The following ARFGEF1 variants were observed in gnomAD, a reference collection of about 807,000 sequenced individuals.
ARFGEF1 encodes brefeldin A-inhibited guanine nucleotide-exchange protein 1.
Under a neutral mutation model 231.0 loss-of-function variants are expected in ARFGEF1, and 42 were observed. The observed-to-expected ratio is 0.18, with a 90% CI of 0.14 to 0.24. The LOEUF is 0.24. Among genes scored for constraint, ARFGEF1 ranks in the 10% least tolerant of loss-of-function variants. ARFGEF1 has a pLI of 1.00. For missense variants in ARFGEF1, 1,345 were observed against 2,192.0 expected, an observed-to-expected ratio of 0.61 and a Z score of 7.72; for synonymous variants, 710 against 732.3, an observed-to-expected ratio of 0.97 and a Z score of 0.49.
chr8:67,249,975 C>G (rs1840226243), intron 19 of ARFGEF1, among the ~76,000 whole-genome samples: 1 of 152,164 alleles, frequency 6.6e-6, no homozygotes, highest in Non-Finnish European at 1.5e-5. Flanking sequence ...AAAGAACATT[C>G]TAGACAAAGG....
chr8:67,337,312 C>T (rs1320542512), intron 1 of ARFGEF1, among the ~76,000 whole-genome samples: 2 of 152,050 alleles, frequency 1.3e-5, no homozygotes, highest in Non-Finnish European at 2.9e-5. Context: ...CTTTTTCTAT[C>T]CTAGTGTCCC....
At chr8:67,240,567 T>C (rs992695177) in intron 19 of ARFGEF1, among the ~76,000 whole-genome samples, 1 of 152,156 alleles carries the variant, frequency 6.6e-6, no homozygotes, top group Non-Finnish European at 1.5e-5. Flanking sequence ...ATAATCAATA[T>C]TCATAAAAAT....
At chr8:67,263,307 G>A (rs887956374) in intron 14 of ARFGEF1, among the ~76,000 whole-genome samples, 1 of 151,946 alleles carries the variant, frequency 6.6e-6, no homozygotes, top group Non-Finnish European at 1.5e-5. Context: ...TATTGCAAGA[G>A]TTCTTAAATG....
intron 6 of ARFGEF1, among the ~76,000 whole-genome samples, chr8:67,289,428 C>T (rs1805903166): frequency 6.6e-6 from 1 of 151,694 alleles, no homozygotes; most frequent in African/African-American, 2.4e-5. Flanking sequence ...GTGACACCTG[C>T]CTATAGTCTT....
Position 67,225,016 on chromosome 8 carries a change from T to C in ARFGEF1, c.4095A>G (p.Thr1365=), listed in dbSNP as rs1839323320. Residue 1365 remains threonine (T), a synonymous_variant, in exon 29 of 39, where the codon ACA becomes ACG. Transcript: ENST00000262215. ...CAGGTGCTACGTTCATATCATCGCTTGTGTATTCCTTGAAAGCCTTCAAGA... is the reference window on the plus strand; with the variant it reads ...CAGGTGCTACGTTCATATCATCGCTCGTGTATTCCTTGAAAGCCTTCAAGA... ...SDRPQAFKEY[T]SDDMNVAPED... 4 of 1,597,412 alleles carry C rather than the reference T, an allele frequency of 2.5e-6. No individual in the cohort carries two copies. The highest frequency in any genetic ancestry group is 2.6e-6 in the Non-Finnish European group (3 of 1,172,986).
rs1563902346 is a variant in ARFGEF1, at chr8:67,302,905, T to TAAAAAAA, written c.125-440_125-439insTTTTTTT. Among the ~76,000 whole-genome samples the TAAAAAAA allele has an allele frequency of 9.3e-4, 93 of 100,236 alleles. 1 individual carries two copies. The highest frequency in any genetic ancestry group is 3.5e-3 in the African/African-American group (90 of 25,870). The allele number at this position is 100,236 out of a possible 152,430, so 65.8% of individuals were successfully genotyped here. ...GCCTGGGCAACAAAGACCCCATCTC[T>TAAAAAAA]TAAAAAAAAAAAAAAAAAAAAAAAA... On this transcript the variant is annotated intron_variant, in intron 1 of 38. Coordinates refer to ENST00000262215, the MANE Select transcript of ARFGEF1 (RefSeq NM_006421.5).
intron 36 of ARFGEF1, 105 bp from the exon 37 acceptor site, chr8:67,201,710 C>A: frequency 6.8e-7 from 1 of 1,463,580 alleles, no homozygotes; most frequent in Non-Finnish European, 9.3e-7. Context: ...CCATCAGCAT[C>A]TGCTGCTTAC....
Position 67,198,716 on chromosome 8 carries a change from A to C in ARFGEF1, c.*218T>G, listed in dbSNP as rs1472706584. On this transcript the variant is annotated 3_prime_UTR_variant, in exon 39 of 39. Coordinates refer to ENST00000262215, the MANE Select transcript of ARFGEF1 (RefSeq NM_006421.5). ...GAGCATGAGCTGACACTGTTTAAAC[A>C]GGCTTTCTGCTCAACATGAGGCCAA... The C allele has an allele frequency of 3.8e-6, 5 of 1,308,750 alleles. No homozygotes were observed. Among genetic ancestry groups the C allele is most frequent in the Non-Finnish European group, 4.9e-6 (5 of 1,029,700 alleles). 81.1% of individuals were successfully genotyped at this position (1,308,750 alleles called of 1,614,324 possible).
intron 14 of ARFGEF1, among the ~76,000 whole-genome samples, chr8:67,263,880 G>A (rs1354152328): frequency 6.6e-6 from 1 of 152,136 alleles, no homozygotes; most frequent in Non-Finnish European, 1.5e-5. Flanking sequence ...CCTGGGAAAG[G>A]TGACTCTGGA....
At chr8:67,270,025 A>G (rs962226159) in intron 10 of ARFGEF1, among the ~76,000 whole-genome samples, 7 of 152,192 alleles carry the variant, frequency 4.6e-5, no homozygotes, top group Non-Finnish European at 8.8e-5. Flanking sequence ...AGTATTACAA[A>G]ATTTTCTAAT....
At chr8:67,201,803 T>TA (rs1226028127) in intron 36 of ARFGEF1, 198 bp from the exon 37 acceptor site, 7 of 627,674 alleles carry the variant, frequency 1.1e-5, no homozygotes, top group Non-Finnish European at 1.5e-5. Context: ...ATATGAGATA[T>TA]AAAAAAACTT....
rs1838201586 is a variant in ARFGEF1, at chr8:67,198,719, C to CT, written c.*214dup. On this transcript the variant is annotated 3_prime_UTR_variant, in exon 39 of 39. Coordinates refer to ENST00000262215, the MANE Select transcript of ARFGEF1 (RefSeq NM_006421.5). Reference sequence around the variant, plus strand: ...CATGAGCTGACACTGTTTAAACAGGCTTTCTGCTCAACATGAGGCCAATAT... The same window carrying CT: ...CATGAGCTGACACTGTTTAAACAGGCTTTTCTGCTCAACATGAGGCCAATAT... The CT allele has an allele frequency of 1.5e-6, 2 of 1,315,640 alleles. No individual in the cohort carries two copies. The highest frequency in any genetic ancestry group is 3.9e-5 in the Admixed American group (1 of 25,842). The allele number at this position is 1,315,640 out of a possible 1,614,324, so 81.5% of individuals were successfully genotyped here.
At chr8:67,267,956 A>C (rs1020808643) in intron 10 of ARFGEF1, among the ~76,000 whole-genome samples, 3 of 152,192 alleles carry the variant, frequency 2.0e-5, no homozygotes, top group Non-Finnish European at 2.9e-5. Flanking sequence ...GAAAATCTCT[A>C]CTGTTTGAAA....
At position 67,198,209 on chromosome 8, in the gene ARFGEF1, C is replaced by T; in HGVS notation, c.*725G>A. 1 of 985,688 alleles carries T rather than the reference C, an allele frequency of 1.0e-6. No homozygotes were observed. The highest frequency in any genetic ancestry group is 1.2e-6 in the Non-Finnish European group (1 of 829,910). 61.1% of individuals were successfully genotyped at this position (985,688 alleles called of 1,614,324 possible). ...CAACAGCTTCTGGGCATGTTACAGC[C>T]TCAAAATCACCACCTACCAAAAAGG... On this transcript the variant is annotated 3_prime_UTR_variant, in exon 39 of 39. Coordinates refer to ENST00000262215, the MANE Select transcript of ARFGEF1 (RefSeq NM_006421.5).
At chr8:67,228,358 G>A in intron 23 of ARFGEF1, 94 bp from the exon 24 acceptor site, 1 of 1,220,028 alleles carries the variant, frequency 8.2e-7, no homozygotes, top group East Asian at 2.4e-5. Context: ...CTATTTTTAT[G>A]TTTTAAGGGA....
At chr8:67,239,483 G>A (rs1042220493) in intron 20 of ARFGEF1, among the ~76,000 whole-genome samples, 7 of 151,822 alleles carry the variant, frequency 4.6e-5, no homozygotes, top group African/African-American at 1.5e-4. Context: ...AAAATCCAAA[G>A]GCAGTGGTGG....
In ARFGEF1 at chr8:67,216,576, T is replaced by G; in HGVS notation, c.4686+14A>C. ...AATAACTAATTTCAATATACTTTAC[T>G]GATTAAAACTTACCAATGGCTTTTC... On this transcript the variant is annotated intron_variant, in intron 33 of 38. Coordinates refer to ENST00000262215, the MANE Select transcript of ARFGEF1 (RefSeq NM_006421.5). The G allele has an allele frequency of 6.3e-7, 1 of 1,590,272 alleles. No individual in the cohort carries two copies. Among genetic ancestry groups the G allele is most frequent in the Non-Finnish European group, 8.5e-7 (1 of 1,171,718 alleles).
At chr8:67,201,730 C>A (rs185385030) in intron 36 of ARFGEF1, 125 bp from the exon 37 acceptor site, 61 of 1,244,792 alleles carry the variant, frequency 4.9e-5, no homozygotes, top group Non-Finnish European at 6.0e-5. Context: ...CAAAACGGAG[C>A]CACAGCAGCC....
At chr8:67,245,909 T>C (rs1840090682) in intron 19 of ARFGEF1, among the ~76,000 whole-genome samples, 1 of 150,450 alleles carries the variant, frequency 6.6e-6, no homozygotes, top group Non-Finnish European at 1.5e-5. Context: ...GAAAAAGATA[T>C]TCCATGCAAA....
Sources: allele counts gnomAD v4.1 joint callset (sites outside exome capture counted in the v4.1 genomes callset), GRCh38; gene constraint gnomAD v4.1.1; transcripts MANE v1.5; gene names NCBI Gene and HGNC (gene_info 2026-07-23, HGNC 2026-07-21).